PPP1R12B: variants seen among roughly 807,000 people sequenced by gnomAD.
The protein encoded by PPP1R12B is myosin phosphatase target subunit 2.
In PPP1R12B, 76 loss-of-function variants were observed where a neutral mutation model predicts 126.1. The ratio of observed to expected loss-of-function variants is 0.60; its 90% CI spans 0.50 to 0.73. The LOEUF is 0.73. Ranked by LOEUF, PPP1R12B falls within the 30% of genes least tolerant of loss-of-function variation. The pLI is 0.00. For synonymous variants in PPP1R12B, 356 were observed against 434.7 expected (o/e 0.82, Z 2.25); for missense variants, 1,052 against 1,205.1 (o/e 0.87, Z 1.88).
intron 1 of PPP1R12B, among the ~76,000 whole-genome samples, chr1:202,385,700 T>C (rs1194666075): frequency 6.6e-6 from 1 of 152,192 alleles, no homozygotes; most frequent in Non-Finnish European, 1.5e-5. Flanking sequence ...GTGCAAGGGC[T>C]CACAGCTAAA....
At chr1:202,463,338 A>G (rs1433467306) in intron 13 of PPP1R12B, among the ~76,000 whole-genome samples, 1 of 152,238 alleles carries the variant, frequency 6.6e-6, no homozygotes, top group East Asian at 1.9e-4. Context: ...AGGACAATTA[A>G]GAGTTTCAAG....
chr1:202,417,417 G>A, intron 2 of PPP1R12B: 1 of 984,942 alleles, frequency 1.0e-6, no homozygotes, highest in Non-Finnish European at 1.2e-6. Context: ...GCACTGGCAT[G>A]TGTTCTCCAC....
At chr1:202,380,439 C>T (rs1662058732) in intron 1 of PPP1R12B, among the ~76,000 whole-genome samples, 2 of 152,038 alleles carry the variant, frequency 1.3e-5, no homozygotes, top group African/African-American at 4.8e-5. Flanking sequence ...TTTGATATGA[C>T]CTGTGAGTAA....
intron 1 of PPP1R12B, among the ~76,000 whole-genome samples, chr1:202,363,876 T>C (rs756764865): frequency 2.6e-5 from 4 of 152,196 alleles, no homozygotes; most frequent in African/African-American, 4.8e-5. Flanking sequence ...TTCTCCTGCC[T>C]CAGCCTCCCA....
At chr1:202,473,163 G>A (rs1676161963) in intron 13 of PPP1R12B, among the ~76,000 whole-genome samples, 1 of 152,196 alleles carries the variant, frequency 6.6e-6, no homozygotes. Flanking sequence ...TCTGATCTCA[G>A]TGTCAAATTA....
At chr1:202,446,466 G>A (rs1197090218) in intron 12 of PPP1R12B, among the ~76,000 whole-genome samples, 1 of 148,386 alleles carries the variant, frequency 6.7e-6, no homozygotes, top group African/African-American at 2.5e-5. Flanking sequence ...TGTTATCCAG[G>A]ATGAGGATGA....
chr1:202,452,867 G>A (rs1195586167), intron 13 of PPP1R12B, among the ~76,000 whole-genome samples: 1 of 149,438 alleles, frequency 6.7e-6, no homozygotes, highest in East Asian at 2.0e-4. Flanking sequence ...GGGTCTCACT[G>A]TGTTGTCCAA....
chr1:202,468,808 G>T (rs982569543), intron 13 of PPP1R12B, among the ~76,000 whole-genome samples: 12 of 152,214 alleles, frequency 7.9e-5, no homozygotes, highest in Admixed American at 7.2e-4. Context: ...CAAAAAATTA[G>T]CCAGGCATGG....
At position 202,581,419 on chromosome 1, in the gene PPP1R12B, G is replaced by A. The variant is rs2362941; in HGVS notation, c.*859G>A. On this transcript the variant is annotated 3_prime_UTR_variant, in exon 24 of 24. Coordinates refer to ENST00000608999, the MANE Select transcript of PPP1R12B (RefSeq NM_002481.4). ...TGGCAGCACCACTGCCTGCTCCCTG[G>A]AAGGTAGACTATGGCATAAGTGTCA... 77,728 of 152,120 alleles carry A rather than the reference G, an allele frequency of 0.51. 22,230 individuals carry two copies. The highest frequency in any genetic ancestry group is 0.68 in the East Asian group (3,530 of 5,168). The allele number at this position is 152,120 out of a possible 1,614,324, so 9.4% of individuals were successfully genotyped here.
intron 23 of PPP1R12B, chr1:202,574,983 C>T (rs1688960449): frequency 6.3e-7 from 1 of 1,587,220 alleles, no homozygotes; most frequent in South Asian, 1.1e-5. Context: ...CTGTCCTTTT[C>T]ATGTCTCAAT....
At chr1:202,440,600 GA>G in intron 10 of PPP1R12B, 105 bp from the exon 11 acceptor site, 2 of 744,106 alleles carry the variant, frequency 2.7e-6, no homozygotes, top group South Asian at 2.0e-5. Context: ...GTTGGATCCA[GA>G]AATAAGATGA....
At chr1:202,551,183 G>C (rs1418133211) in intron 18 of PPP1R12B, among the ~76,000 whole-genome samples, 9 of 152,060 alleles carry the variant, frequency 5.9e-5, no homozygotes, top group Admixed American at 2.6e-4. Context: ...TGGCATATGA[G>C]ATTTTTCAGA....
chr1:202,358,681 CA>C (rs200723132), intron 1 of PPP1R12B, among the ~76,000 whole-genome samples: 54,232 of 108,974 alleles, frequency 0.5, 10,232 homozygotes, highest in East Asian at 0.67. Context: ...GACTCCGTCT[CA>C]AAAAAAAAAA....
In PPP1R12B at chr1:202,580,841, C is replaced by T. The variant is rs1486969630; in HGVS notation, c.*281C>T. On this transcript the variant is annotated 3_prime_UTR_variant, in exon 24 of 24. Transcript: ENST00000608999. ...AATGCTCTGGGGAGTACACCAGGCT[C>T]AGCTGTGGACCCCTCAACTTCCTGC... 5.7e-6 allele frequency: 2 copies of T among 353,746 alleles called. No individual in the cohort carries two copies. The highest frequency in any genetic ancestry group is 5.4e-6 in the Non-Finnish European group (1 of 184,890). 21.9% of individuals were successfully genotyped at this position (353,746 alleles called of 1,614,324 possible).
chr1:202,425,574 C>G lies in PPP1R12B; in HGVS notation c.550C>G (p.Leu184Val). ...GTATCTGGTTTCTGTAGGAGTTGATCTAGAGCAGTCAAGAAAAGAAGAAGA... is the reference window on the plus strand; with the variant it reads ...GTATCTGGTTTCTGTAGGAGTTGATGTAGAGCAGTCAAGAAAAGAAGAAGA... ...LEQVKKQGVD[L>V]EQSRKEEEQQ... Residue 184 changes from leucine (L) to valine (V), a missense_variant, in exon 4 of 24, where the codon CTA becomes GTA. By Grantham distance (32) the Leu-to-Val change is conservative. Transcript: ENST00000608999. The G allele has an allele frequency of 1.2e-6, 2 of 1,613,840 alleles. No individual in the cohort carries two copies. The highest frequency in any genetic ancestry group is 1.7e-6 in the Non-Finnish European group (2 of 1,179,808).
intron 23 of PPP1R12B, chr1:202,575,057 A>G (rs751822648): frequency 4.0e-5 from 65 of 1,613,558 alleles, no homozygotes; most frequent in Non-Finnish European, 5.3e-5. Context: ...GAGCAACTGC[A>G]GGCTGAGAAC....
chr1:202,353,860 C>G (rs905121605), intron 1 of PPP1R12B, among the ~76,000 whole-genome samples: 7 of 151,898 alleles, frequency 4.6e-5, no homozygotes, highest in Non-Finnish European at 8.8e-5. Flanking sequence ...CAATCCTCCC[C>G]CCTCGGCCTC....
intron 1 of PPP1R12B, among the ~76,000 whole-genome samples, chr1:202,351,447 C>T (rs538949000): frequency 2.0e-5 from 3 of 152,244 alleles, no homozygotes; most frequent in South Asian, 4.2e-4. Flanking sequence ...CCATGTTGGC[C>T]AGGCTGGTCT....
intron 1 of PPP1R12B, among the ~76,000 whole-genome samples, chr1:202,351,684 A>G (rs1656037748): frequency 6.6e-6 from 1 of 152,186 alleles, no homozygotes; most frequent in African/African-American, 2.4e-5. Flanking sequence ...ATTTATTTAA[A>G]ATGTCCATTT....
Sources: allele counts gnomAD v4.1 joint callset (sites outside exome capture counted in the v4.1 genomes callset), GRCh38; gene constraint gnomAD v4.1.1; transcripts MANE v1.5; gene names NCBI Gene and HGNC (gene_info 2026-07-23, HGNC 2026-07-21).